Variants in NT5C3A observed in about 807,000 individuals in gnomAD.
NT5C3A encodes cytosolic 5'-nucleotidase 3A.
A neutral mutation model predicts 40.0 loss-of-function variants in NT5C3A; 23 were observed. The observed-to-expected ratio is 0.58, with a 90% CI of 0.41 to 0.81. The LOEUF (loss-of-function observed/expected upper bound fraction) is 0.81. Ranked by LOEUF, NT5C3A falls within the 40% of genes least tolerant of loss-of-function variation. The pLI is 0.00. For missense variants in NT5C3A, 328 were observed against 403.0 expected (o/e 0.81, Z 1.59); for synonymous variants, 130 against 141.4 (o/e 0.92, Z 0.57).
intron 1 of NT5C3A, among the ~76,000 whole-genome samples, chr7:33,061,737 G>A (rs1787787043): frequency 6.6e-6 from 1 of 152,218 alleles, no homozygotes; most frequent in South Asian, 2.1e-4. Context: ...ATAGCACACG[G>A]TCAGGCGTAT....
chr7:33,055,176 T>C (rs1787522512), intron 1 of NT5C3A, among the ~76,000 whole-genome samples: 1 of 152,024 alleles, frequency 6.6e-6, no homozygotes. Context: ...AATACAAAAA[T>C]TAGCTGGGCG....
Position 33,062,695 on chromosome 7 carries a change from G to A in NT5C3A, c.11C>T (p.Ala4Val). MDR[A>V]AVARVGAVAS... ...TACCGCGCCCACCCTCGCCACGGCCGCGCGGTCCATGGACGGGGCCCTCAT... is the reference window on the plus strand; with the variant it reads ...TACCGCGCCCACCCTCGCCACGGCCACGCGGTCCATGGACGGGGCCCTCAT... The change falls in exon 1 of 9, where the codon GCG (alanine) becomes GTG (valine). Residue 4 changes from alanine to valine, a missense_variant. By Grantham distance (64) the Ala-to-Val change is moderately conservative. Around this residue, in one of 3 missense-constraint regions of NT5C3A, gnomAD observed 280 missense variants for 317.2 expected, o/e 0.88. Transcript: ENST00000610140. 1.3e-6 allele frequency: 2 copies of A among 1,566,786 alleles called. No homozygotes were observed. Among genetic ancestry groups the A allele is most frequent in the Non-Finnish European group, 1.7e-6 (2 of 1,156,718 alleles).
At chr7:33,021,246 C>T in intron 5 of NT5C3A, 26 bp downstream of exon 5, 2 of 1,606,152 alleles carry the variant, frequency 1.2e-6, no homozygotes, top group South Asian at 1.1e-5. Flanking sequence ...TTTTTTTAAT[C>T]CTCCTACTGC....
At chr7:33,016,265 T>A (rs951995860) in intron 7 of NT5C3A, among the ~76,000 whole-genome samples, 1 of 151,296 alleles carries the variant, frequency 6.6e-6, no homozygotes, top group Non-Finnish European at 1.5e-5. Flanking sequence ...TCCCAGATAC[T>A]CGGGAGGCTG....
intron 4 of NT5C3A, 93 bp from the exon 5 acceptor site, chr7:33,021,450 C>A: frequency 2.1e-6 from 3 of 1,430,258 alleles, no homozygotes; most frequent in East Asian, 2.4e-5. Context: ...CAAGTATTTT[C>A]AACAAACTGC....
At chr7:33,017,268 G>A in intron 7 of NT5C3A, 171 bp downstream of exon 7, 1 of 580,704 alleles carries the variant, frequency 1.7e-6, no homozygotes, top group Non-Finnish European at 3.1e-6. Context: ...AGGGCACATT[G>A]TTTTTAAAAT....
chr7:33,014,807 T>C lies in NT5C3A; in HGVS notation c.919A>G (p.Met307Val), dbSNP rs1415218625. The change falls in exon 9 of 9, where the codon ATG (methionine) becomes GTG (valine). Residue 307 changes from methionine (M) to valine (V), a missense_variant. By Grantham distance (21) the Met-to-Val change is conservative. Transcript: ENST00000610140. ...ACTAAAACAATATCATAAGAGTCCA[T>C]GTACTTTTCTAAAAGCTCATCCACC... The part of the protein sequence containing the change: ...DRVDELLEKY[M>V]DSYDIVLVQD... The C allele has an allele frequency of 3.7e-6, 6 of 1,612,882 alleles. No homozygotes were observed. The highest frequency in any genetic ancestry group is 1.1e-5 in the South Asian group (1 of 91,078).
intron 7 of NT5C3A, among the ~76,000 whole-genome samples, chr7:33,016,323 A>C (rs1583888868): frequency 2.0e-5 from 3 of 149,252 alleles, no homozygotes; most frequent in African/African-American, 7.4e-5. Flanking sequence ...GCAGTGAGCC[A>C]AGATGGCACC....
At chr7:33,053,438 G>A (rs984690457) in intron 1 of NT5C3A, among the ~76,000 whole-genome samples, 1 of 152,050 alleles carries the variant, frequency 6.6e-6, no homozygotes, top group Non-Finnish European at 1.5e-5. Context: ...TGCCCACCTT[G>A]GCCTCCCAAA....
At chr7:33,039,900 G>C (rs374968857) in intron 1 of NT5C3A, among the ~76,000 whole-genome samples, 5 of 152,244 alleles carry the variant, frequency 3.3e-5, no homozygotes, top group African/African-American at 2.4e-5. Flanking sequence ...CAGCTACTGA[G>C]TCAGAATTTT....
At chr7:33,018,254 A>G (rs1785446618) in intron 6 of NT5C3A, among the ~76,000 whole-genome samples, 2 of 152,252 alleles carry the variant, frequency 1.3e-5, no homozygotes, top group African/African-American at 4.8e-5. Flanking sequence ...ATCAAAATCC[A>G]TAAAATTGAA....
chr7:33,042,392 T>C (rs1016816912), intron 1 of NT5C3A, among the ~76,000 whole-genome samples: 1 of 152,060 alleles, frequency 6.6e-6, no homozygotes, highest in Non-Finnish European at 1.5e-5. Context: ...AATTTGTATC[T>C]ACCAAACGTG....
chr7:33,058,540 G>A (rs1470987269), intron 1 of NT5C3A, among the ~76,000 whole-genome samples: 3 of 152,082 alleles, frequency 2.0e-5, no homozygotes, highest in Admixed American at 6.5e-5. Context: ...TAGTAGGGAC[G>A]GGGTTCCACC....
intron 1 of NT5C3A, chr7:33,045,649 G>A (rs34974224): frequency 0.028 from 4,272 of 151,950 alleles, 91 homozygotes; most frequent in South Asian, 0.12. Context: ...TAGTAGAGAT[G>A]GGGTTTCGCC....
At chr7:33,027,059 C>T (rs945656793) in intron 1 of NT5C3A, 144 bp from the exon 2 acceptor site, 11 of 598,610 alleles carry the variant, frequency 1.8e-5, no homozygotes, top group African/African-American at 9.4e-5. Context: ...ATCAAATTAC[C>T]GTTTATTTAT....
At chr7:33,051,453 C>T (rs1278350451) in intron 1 of NT5C3A, among the ~76,000 whole-genome samples, 2 of 152,086 alleles carry the variant, frequency 1.3e-5, no homozygotes, top group East Asian at 1.9e-4. Context: ...TTAGCTACCA[C>T]GCCTGGCCAA....
At chr7:33,036,519 A>C (rs1786614586) in intron 1 of NT5C3A, 1 of 155,294 alleles carries the variant, frequency 6.4e-6, no homozygotes, top group African/African-American at 2.4e-5. Flanking sequence ...GTTTTAGATT[A>C]ACCATTTTGT....
intron 2 of NT5C3A, among the ~76,000 whole-genome samples, chr7:33,026,184 C>CA (rs1469919632): frequency 6.6e-6 from 1 of 151,320 alleles, no homozygotes; most frequent in Non-Finnish European, 1.5e-5. Flanking sequence ...TACTCAGTCT[C>CA]AAAAAACAAA....
At chr7:33,050,515 CCTAA>C (rs899829081) in intron 1 of NT5C3A, among the ~76,000 whole-genome samples, 2 of 152,236 alleles carry the variant, frequency 1.3e-5, no homozygotes, top group Non-Finnish European at 1.5e-5. Context: ...GAAAAGTCTG[CCTAA>C]CTAATGATAT....
Sources: gnomAD v4.1 joint callset for allele counts (sites outside exome capture counted in the v4.1 genomes callset) on GRCh38, gnomAD v4.1.1 for gene constraint, gnomAD v4.1.1 regional missense constraint, MANE v1.5 for transcripts, NCBI Gene and HGNC (gene_info 2026-07-23, HGNC 2026-07-21) for gene names.